TTC21A: variants seen among roughly 807,000 people sequenced by gnomAD.
TTC21A encodes the protein tetratricopeptide repeat protein 21A.
A neutral mutation model predicts 156.4 loss-of-function variants in TTC21A; 128 were observed. The ratio of observed to expected loss-of-function variants is 0.82; its 90% confidence interval spans 0.71 to 0.95. The LOEUF is 0.95. TTC21A is among the 40% of genes least tolerant of loss of function. TTC21A has a pLI of 0.00. For missense variants in TTC21A, 1,435 were observed against 1,602.3 expected, an observed-to-expected ratio of 0.90 and a Z score of 1.78; for synonymous variants, 587 against 617.1, an observed-to-expected ratio of 0.95 and a Z score of 0.72.
In TTC21A at chr3:39,130,361, C is replaced by T. The variant is rs1386433188; in HGVS notation, c.2319+3C>T. The T allele has an allele frequency of 1.2e-6, 2 of 1,609,938 alleles. No individual in the cohort carries two copies. Among genetic ancestry groups the T allele is most frequent in the Non-Finnish European group, 1.7e-6 (2 of 1,177,522 alleles). Reference sequence around the variant, plus strand: ...TGAAGGCCCACCAGTATACTGAGGTCAGGCTGGGCTAGGGTGTGAAGGGGC... The same window carrying T: ...TGAAGGCCCACCAGTATACTGAGGTTAGGCTGGGCTAGGGTGTGAAGGGGC... On this transcript the variant is annotated splice_donor_region_variant and intron_variant, in intron 17 of 28. Coordinates refer to ENST00000683103, the MANE Select transcript of TTC21A (RefSeq NM_001366900.1). This position sits in a 1 kb window ranked among gnomAD's most constrained non-coding sequence, Gnocchi z 4.5.
intron 6 of TTC21A, 74 bp downstream of exon 6, chr3:39,114,816 G>C: frequency 1.3e-6 from 2 of 1,553,396 alleles, no homozygotes; most frequent in Non-Finnish European, 1.8e-6. Flanking sequence ...GGAGGCAGGA[G>C]AACAAGACAG....
chr3:39,108,003 C>A (rs1294069115), intron 1 of TTC21A, 139 bp downstream of exon 1: 5 of 1,054,388 alleles, frequency 4.7e-6, no homozygotes, highest in Non-Finnish European at 6.9e-6. Flanking sequence ...TTGCCCCACT[C>A]CCCCTGGCAA....
chr3:39,126,501 CACACACA>C, intron 12 of TTC21A, 111 bp downstream of exon 12: 1 of 986,416 alleles, frequency 1.0e-6, no homozygotes, highest in Non-Finnish European at 1.5e-6. Flanking sequence ...CACACACACA[CACACACA>C]CACACACACA....
intron 19 of TTC21A, among the ~76,000 whole-genome samples, chr3:39,132,087 A>T (rs1575552229): frequency 6.6e-6 from 1 of 152,110 alleles, no homozygotes; most frequent in East Asian, 1.9e-4. Context: ...TATTGCTCTG[A>T]GTCTATAAAC....
chr3:39,117,157 T>G (rs962387548), intron 6 of TTC21A, among the ~76,000 whole-genome samples: 23 of 152,258 alleles, frequency 1.5e-4, no homozygotes, highest in Admixed American at 5.2e-4. Context: ...ATCATTTGGC[T>G]CCAAGAATTT....
intron 9 of TTC21A, among the ~76,000 whole-genome samples, chr3:39,122,135 C>A (rs1459882624): frequency 6.6e-6 from 1 of 152,012 alleles, no homozygotes; most frequent in Non-Finnish European, 1.5e-5. Flanking sequence ...ATGATGAAAC[C>A]CCATCTCTAC....
rs1301854480 is a variant in TTC21A, at chr3:39,128,950, C to T, written c.1896+18C>T. The stretch of plus-strand genomic sequence containing the variant: ...GGGAGCTAGTAAGAAATGCCGTGCT[C>T]TCTTCCCTGGGGACTGGGGCACACT... On this transcript the variant is annotated intron_variant, in intron 14 of 28. Transcript: ENST00000683103. 1.2e-6 allele frequency: 2 copies of T among 1,613,590 alleles called. No individual in the cohort carries two copies. Among genetic ancestry groups the T allele is most frequent in the African/African-American group, 2.7e-5 (2 of 74,906 alleles).
Position 39,134,764 on chromosome 3 carries a change from GGCA to G in TTC21A, c.2863-327_2863-325del. 1 of 498,778 alleles carries G rather than the reference GGCA, an allele frequency of 2.0e-6. No homozygotes were observed. The highest frequency in any genetic ancestry group is 2.3e-5 in the South Asian group (1 of 43,542). The allele number at this position is 498,778 out of a possible 1,614,324, so 30.9% of individuals were successfully genotyped here. A position where few individuals can be genotyped will look rare whatever the true frequency, so the allele number is the denominator to read the frequency against. On this transcript the variant is annotated intron_variant, in intron 21 of 28. Coordinates refer to ENST00000683103, the MANE Select transcript of TTC21A (RefSeq NM_001366900.1). The surrounding 1 kb of genome is among the most constrained non-coding windows in gnomAD (Gnocchi z 4.6). ...GTCCTCATCCCTACCTCTATTGCCT[GGCA>G]GTTCTCAGAATGGGTGGAGAGGCTT...
chr3:39,136,249 C>T (rs2039106084), intron 22 of TTC21A, 108 bp from the exon 23 acceptor site: 1 of 1,205,472 alleles, frequency 8.3e-7, no homozygotes, highest in African/African-American at 1.5e-5. Flanking sequence ...AATGTCCCTG[C>T]TCAGCCCAGA....
intron 26 of TTC21A, chr3:39,137,942 A>G (rs2039260216): frequency 1.6e-6 from 1 of 621,038 alleles, no homozygotes. Context: ...AGGAGGGAAC[A>G]CTAAAGGACA....
chr3:39,108,793 T>G (rs2036513981), intron 1 of TTC21A, among the ~76,000 whole-genome samples: 1 of 152,244 alleles, frequency 6.6e-6, no homozygotes, highest in Admixed American at 6.5e-5. Context: ...TTTTCCCCCC[T>G]TATTCCCTTC....
rs757874998 is a variant in TTC21A, at chr3:39,114,741, AGGTGAG to A, written c.716_716+5del. On this transcript the variant is annotated splice_donor_variant and splice_donor_5th_base_variant and coding_sequence_variant and intron_variant, in exon 6 of 29. Coordinates refer to ENST00000683103, the MANE Select transcript of TTC21A (RefSeq NM_001366900.1). LOFTEE classifies it high-confidence loss of function. Reference sequence around the variant, plus strand: ...GGAGCAGACAGTAGAAATGGGACACAGGTGAGCTACTGCACAAATGGGCAGCCAAGG... The same window carrying A: ...GGAGCAGACAGTAGAAATGGGACACACTACTGCACAAATGGGCAGCCAAGG... 5.6e-6 allele frequency: 9 copies of A among 1,614,192 alleles called. No individual in the cohort carries two copies. In the Admixed American group the frequency reaches 1.5e-4, roughly 27 times the overall value.
At position 39,137,180 on chromosome 3, in the gene TTC21A, G is replaced by T. The variant is rs755297659; in HGVS notation, c.3258-15G>T. 2 of 1,609,620 alleles carry T rather than the reference G, an allele frequency of 1.2e-6. No individual in the cohort carries two copies. The highest frequency in any genetic ancestry group is 1.7e-6 in the Non-Finnish European group (2 of 1,177,068). ...CCACCGGCCTGTGTCTGATACCCAG[G>T]TCTAACACCTGCAGCTACATGGAGA... is the stretch of plus-strand genomic sequence containing the variant. On this transcript the variant is annotated splice_polypyrimidine_tract_variant and intron_variant, in intron 24 of 28. Transcript: ENST00000683103.
chr3:39,137,571 G>A lies in TTC21A; in HGVS notation c.3536G>A (p.Arg1179His), dbSNP rs199697874. 23 of 1,614,264 alleles carry A rather than the reference G, an allele frequency of 1.4e-5. No homozygotes were observed. The highest frequency in any genetic ancestry group is 6.7e-5 in the East Asian group (3 of 44,886). The change falls in exon 26 of 29, where the codon CGC becomes CAC. Residue 1179 changes from arginine to histidine, a missense_variant. Coordinates refer to ENST00000683103, the MANE Select transcript of TTC21A (RefSeq NM_001366900.1). ...QIPKARMQLKRLAKTPWVLSE... is the reference protein window; with the variant it reads ...QIPKARMQLKHLAKTPWVLSE... ...CCCAAGGCGCGTATGCAGTTGAAGC[G>A]CCTGGCCAAGACCCCCTGGGTGCTG... is the stretch of plus-strand genomic sequence containing the variant.
rs1300786239 is a variant in TTC21A at position 39,137,707 on chromosome 3, C to G, written c.3672C>G (p.Asn1224Lys). The G allele has an allele frequency of 1.9e-6, 3 of 1,611,054 alleles. No homozygotes were observed. The highest frequency in any genetic ancestry group is 1.7e-4 in the Middle Eastern group (1 of 6,056). ...LELLRRCVQY[N>K]KSCYKAYEYM... is the part of the protein sequence containing the mutation. ...TGCTGCGGCGCTGTGTGCAATACAA[C>G]AAGGCAAGGAGCCACACACACACTA... Residue 1224 changes from asparagine (N) to lysine (K), a missense_variant, in exon 26 of 29, where the codon AAC becomes AAG. Asn to Lys is a moderately conservative substitution (Grantham distance 94, BLOSUM62 0). Coordinates refer to ENST00000683103, the MANE Select transcript of TTC21A (RefSeq NM_001366900.1).
intron 8 of TTC21A, 79 bp downstream of exon 8, chr3:39,120,099 C>A (rs1188629460): frequency 9.5e-7 from 1 of 1,054,192 alleles, no homozygotes; most frequent in Non-Finnish European, 1.4e-6. Context: ...CCCCAGGAAG[C>A]TCCTTGAGTG....
At chr3:39,122,537 G>A (rs1297141443) in intron 9 of TTC21A, among the ~76,000 whole-genome samples, 3 of 152,098 alleles carry the variant, frequency 2.0e-5, no homozygotes, top group East Asian at 1.9e-4. Flanking sequence ...TAAAAAAGAC[G>A]AGCTCAGGGT....
chr3:39,138,451 A>G lies in TTC21A; in HGVS notation c.3796+64A>G. The G allele has an allele frequency of 1.4e-5, 22 of 1,613,322 alleles. No homozygotes were observed. The South Asian group carries it at 2.3e-4, about 17-fold the overall frequency. On this transcript the variant is annotated intron_variant, in intron 27 of 28. Coordinates refer to ENST00000683103, the MANE Select transcript of TTC21A (RefSeq NM_001366900.1). ...GAGGGAGGTGGGCAGGAGGGCCCCC[A>G]CCATGACCCCAGAACTCAAGGCCTG... is the stretch of plus-strand genomic sequence containing the variant.
chr3:39,134,811 A>C lies in TTC21A; in HGVS notation c.2863-282A>C. ...GAGGCTTCCCCTGTAGGCTGTCAAA[A>C]AGCCCCACTGGTCTCTACCACTAGT... is the stretch of plus-strand genomic sequence containing the variant. On this transcript the variant is annotated intron_variant, in intron 21 of 28. Transcript: ENST00000683103. This position sits in a 1 kb window ranked among gnomAD's most constrained non-coding sequence, Gnocchi z 4.6. 1 of 547,178 alleles carries C rather than the reference A, an allele frequency of 1.8e-6. No individual in the cohort carries two copies. The highest frequency in any genetic ancestry group is 3.3e-6 in the Non-Finnish European group (1 of 304,130). The allele number at this position is 547,178 out of a possible 1,614,324, so 33.9% of individuals were successfully genotyped here. A position where few individuals can be genotyped will look rare whatever the true frequency, so the allele number is the denominator to read the frequency against.
Sources: allele counts gnomAD v4.1 joint callset (sites outside exome capture counted in the v4.1 genomes callset), GRCh38; gene constraint gnomAD v4.1.1; non-coding constraint Gnocchi (gnomAD v3.1); transcripts MANE v1.5; gene names NCBI Gene and HGNC (gene_info 2026-07-23, HGNC 2026-07-21).